The following NCOA3 variants were observed in gnomAD, a reference collection of about 807,000 sequenced individuals.
NCOA3 encodes nuclear receptor coactivator 3.
NCOA3 carries 51 observed loss-of-function variants against 158.8 expected under a neutral mutation model. The ratio of observed to expected loss-of-function variants is 0.32; its 90% CI spans 0.26 to 0.41. NCOA3 has a LOEUF of 0.41. Ranked by LOEUF, NCOA3 falls within the 10% of genes least tolerant of loss-of-function variation. The pLI is 1.00. For missense variants in NCOA3, 1,510 were observed against 1,746.6 expected (o/e 0.86, Z 2.41); for synonymous variants, 537 against 592.4 (o/e 0.91, Z 1.36).
intron 1 of NCOA3, among the ~76,000 whole-genome samples, chr20:47,508,477 C>T (rs1215282756): frequency 6.6e-6 from 1 of 152,180 alleles, no homozygotes; most frequent in African/African-American, 2.4e-5. Flanking sequence ...GTTCCTCCAT[C>T]TCATGCATTT....
intron 17 of NCOA3, among the ~76,000 whole-genome samples, chr20:47,643,474 G>C (rs1482554131): frequency 6.6e-6 from 1 of 152,230 alleles, no homozygotes; most frequent in Non-Finnish European, 1.5e-5. Flanking sequence ...CAGAAGTATA[G>C]AAGTTCTTTT....
rs372792986 is a variant in NCOA3 at position 47,634,132 on chromosome 20, A to G, written c.1049A>G (p.Lys350Arg). Reference sequence around the variant, plus strand: ...ATAGTGACTGCACAGACAAAAAGCAAACTCTTCCGAAATCCTGTAACAAAT... The same window carrying G: ...ATAGTGACTGCACAGACAAAAAGCAGACTCTTCCGAAATCCTGTAACAAAT... ...GTIVTAQTKS[K>R]LFRNPVTNDR... The change falls in exon 10 of 23, where the codon AAA becomes AGA. Residue 350 changes from lysine to arginine, a missense_variant. Lys to Arg is a conservative substitution (Grantham distance 26). Transcript: ENST00000371998. 2.5e-6 allele frequency: 4 copies of G among 1,614,040 alleles called. No individual in the cohort carries two copies. The African/African-American group carries it at 4.0e-5, about 16-fold the overall frequency.
intron 2 of NCOA3, among the ~76,000 whole-genome samples, chr20:47,609,081 G>A (rs2086001811): frequency 6.6e-6 from 1 of 152,118 alleles, no homozygotes; most frequent in Non-Finnish European, 1.5e-5. Flanking sequence ...TTCTGTTTCT[G>A]AATCACAAAT....
At chr20:47,502,996 T>A (rs1159098255) in intron 1 of NCOA3, among the ~76,000 whole-genome samples, 1 of 152,206 alleles carries the variant, frequency 6.6e-6, no homozygotes, top group East Asian at 1.9e-4. Flanking sequence ...GAAGACTTCC[T>A]TTTTGCAATA....
At chr20:47,528,957 G>A (rs2084501313) in intron 1 of NCOA3, among the ~76,000 whole-genome samples, 1 of 151,788 alleles carries the variant, frequency 6.6e-6, no homozygotes, top group African/African-American at 2.4e-5. Context: ...GTAGAGAAGG[G>A]GGTTTCTCCA....
intron 14 of NCOA3, 49 bp from the exon 15 acceptor site, chr20:47,639,527 AG>A: frequency 6.2e-7 from 1 of 1,602,264 alleles, no homozygotes; most frequent in Non-Finnish European, 8.5e-7. Flanking sequence ...TGGTATAAGA[AG>A]GATTTCATTA....
intron 5 of NCOA3, among the ~76,000 whole-genome samples, chr20:47,625,926 ACTAAT>A (rs553423722): frequency 3.0e-4 from 46 of 152,362 alleles, no homozygotes; most frequent in African/African-American, 1.0e-3. Context: ...AGGTATTATA[ACTAAT>A]CTAGAGATGA....
At chr20:47,527,780 A>G (rs1271342593) in intron 1 of NCOA3, among the ~76,000 whole-genome samples, 4 of 152,348 alleles carry the variant, frequency 2.6e-5, no homozygotes, top group African/African-American at 7.2e-5. Context: ...AACACTTGGT[A>G]TTAATATTCT....
At chr20:47,651,320 C>A in intron 20 of NCOA3, 44 bp downstream of exon 20, 1 of 1,565,650 alleles carries the variant, frequency 6.4e-7, no homozygotes, top group South Asian at 1.2e-5. Flanking sequence ...GTTAACATTA[C>A]TAAGGACATA....
intron 2 of NCOA3, among the ~76,000 whole-genome samples, chr20:47,589,561 T>C (rs1309612257): frequency 6.6e-6 from 1 of 151,710 alleles, no homozygotes; most frequent in African/African-American, 2.4e-5. Context: ...TTTTAAGTAG[T>C]GACGGGGTTT....
At chr20:47,548,580 A>G (rs955608601) in intron 1 of NCOA3, among the ~76,000 whole-genome samples, 2 of 152,176 alleles carry the variant, frequency 1.3e-5, no homozygotes, top group African/African-American at 4.8e-5. Context: ...AAATTAAAAA[A>G]AAATCTTTTT....
chr20:47,519,984 G>C (rs147588786), intron 1 of NCOA3, among the ~76,000 whole-genome samples: 7 of 136,106 alleles, frequency 5.1e-5, no homozygotes, highest in African/African-American at 1.9e-4. Context: ...GGCTGGTCTC[G>C]AACTCCTGAC....
chr20:47,620,199 A>G (rs1568731224), intron 2 of NCOA3, among the ~76,000 whole-genome samples: 1 of 152,132 alleles, frequency 6.6e-6, no homozygotes, highest in African/African-American at 2.4e-5. Context: ...TGCAGCCTCA[A>G]ACTCCTCAAA....
At chr20:47,613,658 AT>A (rs1294860591) in intron 2 of NCOA3, among the ~76,000 whole-genome samples, 7 of 152,196 alleles carry the variant, frequency 4.6e-5, no homozygotes, top group Admixed American at 1.3e-4. Context: ...CACGCCTGTA[AT>A]CCCAGCACTT....
chr20:47,653,242 T>C (rs1036514185), intron 22 of NCOA3, among the ~76,000 whole-genome samples, 164 bp from the exon 23 acceptor site: 2 of 152,222 alleles, frequency 1.3e-5, no homozygotes, highest in Non-Finnish European at 2.9e-5. Flanking sequence ...TTAGATACTT[T>C]TGGTAAGCCA....
chr20:47,649,175 G>A lies in NCOA3; in HGVS notation c.3651+66G>A, dbSNP rs1191528303. ...CAGGACAGGGCTTGGCCTGTGGTTG[G>A]CTCTCAGTAAATGTTTGTTAAACAA... On this transcript the variant is annotated intron_variant, in intron 19 of 22. Coordinates refer to ENST00000371998, the MANE Select transcript of NCOA3 (RefSeq NM_181659.3). 18 of 956,834 alleles carry A rather than the reference G, an allele frequency of 1.9e-5. 1 individual carries two copies. The highest frequency in any genetic ancestry group is 2.8e-4 in the Middle Eastern group (1 of 3,554). 59.3% of individuals were successfully genotyped at this position (956,834 alleles called of 1,614,324 possible).
In NCOA3 at chr20:47,655,545, C is replaced by T. The variant is rs1007656654; in HGVS notation, c.*2128C>T. The T allele has an allele frequency of 5.2e-5, 8 of 152,578 alleles. No individual in the cohort carries two copies. The highest frequency in any genetic ancestry group is 1.9e-4 in the African/African-American group (8 of 41,428). The allele number at this position is 152,578 out of a possible 1,614,324, so 9.5% of individuals were successfully genotyped here. A position where few individuals can be genotyped will look rare whatever the true frequency, so the allele number is the denominator to read the frequency against. ...ACAATTATGAGTTTGCCCTCTTTCC[C>T]CTACCAAGTTCAAAATATATCTAAG... is the stretch of plus-strand genomic sequence containing the variant. On this transcript the variant is annotated 3_prime_UTR_variant, in exon 23 of 23. Transcript: ENST00000371998.
chr20:47,567,862 T>C (rs1031371856), intron 1 of NCOA3, among the ~76,000 whole-genome samples: 6 of 151,986 alleles, frequency 3.9e-5, no homozygotes, highest in Admixed American at 3.9e-4. Flanking sequence ...TGAGCCACCG[T>C]GCCAGGCCAA....
chr20:47,607,486 C>T (rs2085966783), intron 2 of NCOA3, among the ~76,000 whole-genome samples: 1 of 152,218 alleles, frequency 6.6e-6, no homozygotes, highest in South Asian at 2.1e-4. Flanking sequence ...CCCCTGTGCC[C>T]TTCTTTATTT....
Sources: allele counts gnomAD v4.1 joint callset (sites outside exome capture counted in the v4.1 genomes callset), GRCh38; gene constraint gnomAD v4.1.1; transcripts MANE v1.5; gene names NCBI Gene and HGNC (gene_info 2026-07-23, HGNC 2026-07-21).